RAB21: variants seen among roughly 807,000 people sequenced by gnomAD.
RAB21 encodes RAB21, member RAS oncogene family.
RAB21 carries 13 observed loss-of-function variants against 33.1 expected under a neutral mutation model. The ratio of observed to expected loss-of-function variants is 0.39; its 90% CI spans 0.26 to 0.62. The LOEUF is 0.62. Among genes scored for constraint, RAB21 ranks in the 20% least tolerant of loss-of-function variants. RAB21 has a pLI of 0.48. For synonymous variants in RAB21, 91 were observed against 103.7 expected, an observed-to-expected ratio of 0.88 and a Z score of 0.74; for missense variants, 234 against 279.1, an observed-to-expected ratio of 0.84 and a Z score of 1.15.
At chr12:71,764,241 T>G (rs1467010091) in intron 1 of RAB21, among the ~76,000 whole-genome samples, 3 of 151,868 alleles carry the variant, frequency 2.0e-5, no homozygotes, top group Non-Finnish European at 4.4e-5. Context: ...TTCTGGGGAG[T>G]GAGTAGGTTC....
rs3741688 is a variant in RAB21, at chr12:71,770,615, C to T, written c.243C>T (p.Phe81=). ...AGGATACGGCAGGTCAAGAGAGATT[C>T]CATGCATTGGGTCCAATTTACTACA... The part of the protein sequence containing the change: ...AIWDTAGQER[F]HALGPIYYRD... The change falls in exon 3 of 7, where the codon TTC becomes TTT. Residue 81 remains phenylalanine (F), a synonymous_variant. Transcript: ENST00000261263. The T allele has an allele frequency of 0.11, 169,229 of 1,602,724 alleles. 11,937 individuals are homozygous for T. Among genetic ancestry groups the T allele is most frequent in the East Asian group, 0.35 (15,482 of 44,660 alleles).
At position 71,773,958 on chromosome 12, in the gene RAB21, G is replaced by T; in HGVS notation, c.328-1G>T. The T allele has an allele frequency of 6.3e-7, 1 of 1,584,828 alleles. No individual in the cohort carries two copies. On this transcript the variant is annotated splice_acceptor_variant, in intron 3 of 6. Coordinates refer to ENST00000261263, the MANE Select transcript of RAB21 (RefSeq NM_014999.4). LOFTEE classifies it high-confidence loss of function. ...TAATATGTGCTCTTTTGTATATACAGGTAAAAAACTGGGTCAAAGAATTAC... is the reference window on the plus strand; with the variant it reads ...TAATATGTGCTCTTTTGTATATACATGTAAAAAACTGGGTCAAAGAATTAC...
chr12:71,779,675 G>A (rs557878993), intron 4 of RAB21, among the ~76,000 whole-genome samples: 31 of 152,274 alleles, frequency 2.0e-4, no homozygotes, highest in African/African-American at 6.7e-4. Flanking sequence ...TATTTTTAAG[G>A]AAGATCTGCT....
rs559755680 is a variant in RAB21 at position 71,786,962 on chromosome 12, G to T, written c.*1289G>T. 6.6e-6 allele frequency: 1 copy of T among 152,266 alleles called. No individual in the cohort carries two copies. The highest frequency in any genetic ancestry group is 2.4e-5 in the African/African-American group (1 of 41,538). 9.4% of individuals were successfully genotyped at this position (152,266 alleles called of 1,614,324 possible). On this transcript the variant is annotated 3_prime_UTR_variant, in exon 7 of 7. Coordinates refer to ENST00000261263, the MANE Select transcript of RAB21 (RefSeq NM_014999.4). ...TTTCTCATAGGCTTTATAAGAGATG[G>T]GTTCAGTGGTATGAGCAGAGGAAGA...
intron 1 of RAB21, among the ~76,000 whole-genome samples, chr12:71,768,414 A>G (rs912541989): frequency 2.0e-5 from 3 of 152,130 alleles, no homozygotes; most frequent in African/African-American, 7.2e-5. Flanking sequence ...AAATGTGACT[A>G]TCTCTATACA....
At position 71,799,910 on chromosome 12, in the gene RAB21, TA is replaced by T. The variant is rs1394779477; in HGVS notation, c.*14242del. 6.6e-6 allele frequency: 1 copy of T among 151,986 alleles called. No individual in the cohort carries two copies. Among genetic ancestry groups the T allele is most frequent in the African/African-American group, 2.4e-5 (1 of 41,376 alleles). The allele number at this position is 151,986 out of a possible 1,614,324, so 9.4% of individuals were successfully genotyped here. ...AAATACGGTGAAATCCCATCTCTAC[TA>T]AAAATACAAAAATTAGCCGGGTGTG... On this transcript the variant is annotated 3_prime_UTR_variant, in exon 7 of 7. Transcript: ENST00000261263.
chr12:71,769,716 G>A (rs959527229), intron 1 of RAB21, 84 bp from the exon 2 acceptor site: 1 of 603,072 alleles, frequency 1.7e-6, no homozygotes, highest in African/African-American at 1.9e-5. Context: ...CTTTTACATT[G>A]AGATGATTCA....
chr12:71,787,489 A>G lies in RAB21; in HGVS notation c.*1816A>G, dbSNP rs1238328248. ...AGAAGCAGTAGTATGTAATAAAGCT[A>G]TTAGCATGAGCAATTAAGAGGCTAT... On this transcript the variant is annotated 3_prime_UTR_variant, in exon 7 of 7. Transcript: ENST00000261263. 1 of 152,206 alleles carries G rather than the reference A, an allele frequency of 6.6e-6. No homozygotes were observed. The highest frequency in any genetic ancestry group is 1.5e-5 in the Non-Finnish European group (1 of 68,038). 9.4% of individuals were successfully genotyped at this position (152,206 alleles called of 1,614,324 possible).
rs547690385 is a variant in RAB21 at position 71,796,480 on chromosome 12, T to G, written c.*10807T>G. 1.5e-5 allele frequency: 2 copies of G among 137,810 alleles called. 1 individual carries two copies. Among genetic ancestry groups the G allele is most frequent in the Non-Finnish European group, 3.0e-5 (2 of 65,992 alleles). 8.5% of individuals were successfully genotyped at this position (137,810 alleles called of 1,614,324 possible). Reference sequence around the variant, plus strand: ...GTGGAACTTCTGATTTTCTGTAATATTAGGATGGACATGTGTCTGGCTTAT... The same window carrying G: ...GTGGAACTTCTGATTTTCTGTAATAGTAGGATGGACATGTGTCTGGCTTAT... On this transcript the variant is annotated 3_prime_UTR_variant, in exon 7 of 7. Transcript: ENST00000261263.
Position 71,755,011 on chromosome 12 carries a change from C to A in RAB21, c.-119C>A. 1 of 946,764 alleles carries A rather than the reference C, an allele frequency of 1.1e-6. No individual in the cohort carries two copies. Among genetic ancestry groups the A allele is most frequent in the Non-Finnish European group, 1.3e-6 (1 of 790,748 alleles). The allele number at this position is 946,764 out of a possible 1,614,324, so 58.6% of individuals were successfully genotyped here. On this transcript the variant is annotated 5_prime_UTR_variant, in exon 1 of 7. Transcript: ENST00000261263. ...TCGCCCGAGGAGGGCGTGGGGACAG[C>A]GCCCGGGTCGGCGGGGCCGGGGCGG...
At chr12:71,762,653 G>A (rs1882893088) in intron 1 of RAB21, among the ~76,000 whole-genome samples, 1 of 151,774 alleles carries the variant, frequency 6.6e-6, no homozygotes. Flanking sequence ...CACGATCTCA[G>A]TTCACTGCAA....
At chr12:71,784,296 G>GT (rs1333176415) in intron 6 of RAB21, among the ~76,000 whole-genome samples, 1 of 152,060 alleles carries the variant, frequency 6.6e-6, no homozygotes, top group Non-Finnish European at 1.5e-5. Context: ...GCAGTTTTAA[G>GT]TTTCAGTGAG....
chr12:71,786,078 T>G lies in RAB21; in HGVS notation c.*405T>G, dbSNP rs905688879. 78 of 156,440 alleles carry G rather than the reference T, an allele frequency of 5.0e-4. No homozygotes were observed. Among genetic ancestry groups the G allele is most frequent in the South Asian group, 9.3e-4 (5 of 5,394 alleles). The allele number at this position is 156,440 out of a possible 1,614,324, so 9.7% of individuals were successfully genotyped here. ...CACGACGCCCGGCTAATTTTTTGTA[T>G]TTTTAGTAGAGACGGGGTTTCACCA... is the stretch of plus-strand genomic sequence containing the variant. On this transcript the variant is annotated 3_prime_UTR_variant, in exon 7 of 7. Transcript: ENST00000261263.
chr12:71,785,380 C>A, intron 6 of RAB21, 151 bp from the exon 7 acceptor site: 1 of 817,412 alleles, frequency 1.2e-6, no homozygotes, highest in Non-Finnish European at 1.9e-6. Context: ...GCAGGTGAAG[C>A]TGTTTTAGTG....
At chr12:71,779,471 A>C (rs6582056) in intron 4 of RAB21, among the ~76,000 whole-genome samples, 29,539 of 151,980 alleles carry the variant, frequency 0.19, 3,273 homozygotes, top group East Asian at 0.38. Flanking sequence ...GGTAAAACAA[A>C]AAAAAAATTA....
chr12:71,782,734 A>G, intron 6 of RAB21, 76 bp downstream of exon 6: 1 of 927,518 alleles, frequency 1.1e-6, no homozygotes, highest in South Asian at 1.9e-5. Context: ...TGTATTTTAC[A>G]CCAGTGTTAC....
intron 1 of RAB21, among the ~76,000 whole-genome samples, chr12:71,767,870 G>GT (rs1230967294): frequency 1.3e-5 from 2 of 151,782 alleles, no homozygotes; most frequent in East Asian, 3.9e-4. Flanking sequence ...TTCAGATTTT[G>GT]TTTTTTTTCC....
intron 3 of RAB21, among the ~76,000 whole-genome samples, chr12:71,772,429 G>A (rs1165561807): frequency 6.6e-6 from 1 of 152,194 alleles, no homozygotes; most frequent in Non-Finnish European, 1.5e-5. Context: ...CCCAAATTCA[G>A]AGGGTGGGGA....
intron 2 of RAB21, among the ~76,000 whole-genome samples, chr12:71,770,204 A>G (rs1294209383): frequency 6.6e-6 from 1 of 151,960 alleles, no homozygotes; most frequent in African/African-American, 2.4e-5. Flanking sequence ...TTGACTGGTG[A>G]TCTTGATGCA....
Sources: gnomAD v4.1 joint callset for allele counts (sites outside exome capture counted in the v4.1 genomes callset) on GRCh38, gnomAD v4.1.1 for gene constraint, MANE v1.5 for transcripts, NCBI Gene and HGNC (gene_info 2026-07-23, HGNC 2026-07-21) for gene names.